Variants in DAOA observed in about 807,000 individuals in gnomAD.
DAOA encodes D-amino acid oxidase regulator.
DAOA carries 15 observed loss-of-function variants against 16.4 expected under a neutral mutation model. The ratio of observed to expected loss-of-function variants is 0.91; its 90% CI spans 0.61 to 1.41. The LOEUF (loss-of-function observed/expected upper bound fraction) is 1.41. DAOA is among the 40% of genes most tolerant of loss of function. The pLI, the probability that DAOA is intolerant of heterozygous loss-of-function variation, is 0.00. For missense variants in DAOA, 230 were observed against 176.8 expected (o/e 1.30, Z -1.71); for synonymous variants, 75 against 59.1 (o/e 1.27, Z -1.23).
rs533709301 is a variant in DAOA, at chr13:105,474,952, G to A, written c.281+2267G>A. The A allele has an allele frequency of 1.0e-5, 9 of 902,968 alleles. No individual in the cohort carries two copies. The African/African-American group carries it at 1.4e-4, about 14-fold the overall frequency. 55.9% of individuals were successfully genotyped at this position (902,968 alleles called of 1,614,324 possible). ...GAAGATTGTATTTCCCGTTCTGAACGAACATTCACCTCATTTTTTTCTAGA... is the reference window on the plus strand; with the variant it reads ...GAAGATTGTATTTCCCGTTCTGAACAAACATTCACCTCATTTTTTTCTAGA... On this transcript the variant is annotated intron_variant, in intron 4 of 5. Transcript: ENST00000375936.
Position 105,472,659 on chromosome 13 carries a change from C to A in DAOA, c.255C>A (p.Val85=), listed in dbSNP as rs1022422500. The change falls in exon 4 of 6, where the codon GTC becomes GTA. Residue 85 remains valine (V), a synonymous_variant. Transcript: ENST00000375936. ...TACAGAGATCATTATGTCCTTGGGT[C>A]TCTTACCTTCCTCAGCCCTATGCAG... is the stretch of plus-strand genomic sequence containing the variant. ...RHLQRSLCPW[V]SYLPQPYAEL... The A allele has an allele frequency of 6.2e-7, 1 of 1,613,820 alleles. No individual in the cohort carries two copies. Among genetic ancestry groups the A allele is most frequent in the East Asian group, 2.2e-5 (1 of 44,862 alleles).
chr13:105,484,255 G>C (rs1261531178), intron 4 of DAOA, among the ~76,000 whole-genome samples: 2 of 151,534 alleles, frequency 1.3e-5, no homozygotes, highest in Non-Finnish European at 2.9e-5. Flanking sequence ...GCTAATAACT[G>C]TCTTAAAAAT....
intron 4 of DAOA, among the ~76,000 whole-genome samples, chr13:105,487,430 A>G (rs1158763758): frequency 6.6e-6 from 1 of 152,176 alleles, no homozygotes; most frequent in Non-Finnish European, 1.5e-5. Context: ...TGTGCTCTGT[A>G]AGAAACAGGA....
intron 4 of DAOA, among the ~76,000 whole-genome samples, chr13:105,487,530 A>G (rs1260755421): frequency 6.6e-6 from 1 of 152,066 alleles, no homozygotes; most frequent in East Asian, 1.9e-4. Flanking sequence ...TTGTTCCTAC[A>G]AAATATACCT....
intron 3 of DAOA, among the ~76,000 whole-genome samples, chr13:105,469,968 C>A (rs1165796777): frequency 6.6e-6 from 1 of 151,748 alleles, no homozygotes; most frequent in African/African-American, 2.4e-5. Flanking sequence ...TTTTTTATTT[C>A]TTGGATGATT....
chr13:105,487,605 G>T (rs150993395), intron 4 of DAOA, among the ~76,000 whole-genome samples: 2 of 148,830 alleles, frequency 1.3e-5, no homozygotes, highest in Non-Finnish European at 3.0e-5. Flanking sequence ...AAAAAAAAAC[G>T]GTTTGCAAGA....
intron 4 of DAOA, among the ~76,000 whole-genome samples, chr13:105,488,731 T>C (rs1878307705): frequency 6.6e-6 from 1 of 152,178 alleles, no homozygotes; most frequent in Non-Finnish European, 1.5e-5. Flanking sequence ...TCTCTAGCCT[T>C]CTAAAGGATT....
rs188477350 is a variant in DAOA at position 105,474,809 on chromosome 13, G to C, written c.281+2124G>C. On this transcript the variant is annotated intron_variant, in intron 4 of 5. Transcript: ENST00000375936. ...AAATTTTGGTGAGAAATAAAGAATA[G>C]TTGAAGGAGTGTTTTCACAAGTGTC... is the stretch of plus-strand genomic sequence containing the variant. Among the ~76,000 whole-genome samples the C allele has an allele frequency of 4.0e-4, 61 of 152,228 alleles. 1 individual carries two copies. The highest frequency in any genetic ancestry group is 1.1e-3 in the African/African-American group (46 of 41,566).
At chr13:105,479,530 C>T (rs998458476) in intron 4 of DAOA, among the ~76,000 whole-genome samples, 1 of 152,188 alleles carries the variant, frequency 6.6e-6, no homozygotes, top group African/African-American at 2.4e-5. Flanking sequence ...CTCCGACTTC[C>T]TGATGGTGGC....
At chr13:105,476,456 C>G (rs185196813) in intron 4 of DAOA, among the ~76,000 whole-genome samples, 2 of 148,456 alleles carry the variant, frequency 1.3e-5, no homozygotes, top group Admixed American at 6.8e-5. Flanking sequence ...AACAAAAAAG[C>G]CTTTTCGTTA....
chr13:105,466,611 G>A (rs940306570), intron 2 of DAOA, among the ~76,000 whole-genome samples: 1 of 152,184 alleles, frequency 6.6e-6, no homozygotes, highest in Non-Finnish European at 1.5e-5. Flanking sequence ...TTAATCCACA[G>A]CAGGCAGACA....
intron 4 of DAOA, among the ~76,000 whole-genome samples, chr13:105,486,465 G>A (rs927407762): frequency 8.5e-5 from 13 of 152,102 alleles, no homozygotes; most frequent in South Asian, 4.1e-4. Context: ...CTCTCACCCC[G>A]TTGACCTATA....
At chr13:105,486,326 G>T (rs144720017) in intron 4 of DAOA, among the ~76,000 whole-genome samples, 1 of 151,712 alleles carries the variant, frequency 6.6e-6, no homozygotes, top group African/African-American at 2.4e-5. Context: ...CCTCTCCTTG[G>T]AATACTTTTT....
At chr13:105,475,065 A>C (rs1877240770) in intron 4 of DAOA, 2 of 985,138 alleles carry the variant, frequency 2.0e-6, no homozygotes, top group African/African-American at 3.5e-5. Flanking sequence ...GGAAGGAGAC[A>C]CTGAGGTAAA....
intron 4 of DAOA, among the ~76,000 whole-genome samples, chr13:105,481,402 C>A (rs1405081211): frequency 6.6e-6 from 1 of 152,094 alleles, no homozygotes; most frequent in Non-Finnish European, 1.5e-5. Context: ...ATTCAAACCC[C>A]TATAACTCCA....
At chr13:105,469,169 A>G (rs2139166798) in intron 3 of DAOA, among the ~76,000 whole-genome samples, 1 of 152,288 alleles carries the variant, frequency 6.6e-6, no homozygotes, top group South Asian at 2.1e-4. Context: ...GTTCAATAAT[A>G]TTCATACTAG....
intron 4 of DAOA, among the ~76,000 whole-genome samples, chr13:105,481,213 A>T (rs1039962180): frequency 6.6e-6 from 1 of 152,174 alleles, no homozygotes; most frequent in Admixed American, 6.5e-5. Context: ...GGCACAATTT[A>T]TTCAAAACCC....
intron 4 of DAOA, among the ~76,000 whole-genome samples, chr13:105,474,249 C>G (rs1296636717): frequency 6.6e-6 from 1 of 151,910 alleles, no homozygotes; most frequent in Non-Finnish European, 1.5e-5. Flanking sequence ...AATATCTAAA[C>G]CATATAATTG....
intron 4 of DAOA, 39 bp from the exon 5 acceptor site, chr13:105,489,862 T>A (rs1878388942): frequency 6.2e-7 from 1 of 1,613,666 alleles, no homozygotes; most frequent in African/African-American, 1.3e-5. Context: ...AGGTTACCTT[T>A]CACAAGACCT....
Sources: gnomAD v4.1 joint callset for allele counts (sites outside exome capture counted in the v4.1 genomes callset) on GRCh38, gnomAD v4.1.1 for gene constraint, MANE v1.5 for transcripts, NCBI Gene and HGNC (gene_info 2026-07-23, HGNC 2026-07-21) for gene names.